The following GRIA4 variants were observed in gnomAD, a reference collection of about 807,000 sequenced individuals.
GRIA4 encodes glutamate receptor 4.
GRIA4 carries 34 observed loss-of-function variants against 104.0 expected under a neutral mutation model. That is an observed-to-expected ratio of 0.33 (90% CI 0.25 to 0.44). The LOEUF (loss-of-function observed/expected upper bound fraction) is 0.44, where lower values mean the gene tolerates loss of function less well. GRIA4 is among the 20% of genes least tolerant of loss of function. The pLI is 1.00. For synonymous variants in GRIA4, 386 were observed against 381.9 expected, an observed-to-expected ratio of 1.01 and a Z score of -0.13; for missense variants, 750 against 1,096.5, an observed-to-expected ratio of 0.68 and a Z score of 4.46.
intron 4 of GRIA4, among the ~76,000 whole-genome samples, chr11:105,786,085 C>T (rs1941949448): frequency 1.5e-5 from 2 of 134,328 alleles, no homozygotes; most frequent in Non-Finnish European, 1.5e-5. Flanking sequence ...GTGGAGGTGG[C>T]AGTGAGCCGA....
At chr11:105,919,278 G>T (rs1189296829) in intron 11 of GRIA4, among the ~76,000 whole-genome samples, 1 of 151,886 alleles carries the variant, frequency 6.6e-6, no homozygotes, top group Non-Finnish European at 1.5e-5. Context: ...GTAGGAACAG[G>T]TTTCCTTCAA....
At chr11:105,729,722 G>A (rs150351362) in intron 3 of GRIA4, among the ~76,000 whole-genome samples, 15 of 152,174 alleles carry the variant, frequency 9.9e-5, no homozygotes, top group Admixed American at 3.3e-4. Flanking sequence ...ATCAATTAAC[G>A]TAAGCCATCA....
chr11:105,796,000 C>G (rs757500082), intron 4 of GRIA4, among the ~76,000 whole-genome samples: 29 of 152,218 alleles, frequency 1.9e-4, no homozygotes, highest in Non-Finnish European at 2.1e-4. Context: ...TCACAAATGC[C>G]TGCAGAGAGA....
Position 105,956,677 on chromosome 11 carries a change from C to T in GRIA4, c.2295-15237C>T, listed in dbSNP as rs550849669. Reference sequence around the variant, plus strand: ...TTCTAGCTCTAGATCCTTGAGGAATCGCCACACTGTCTTCCACAATGGTTG... The same window carrying T: ...TTCTAGCTCTAGATCCTTGAGGAATTGCCACACTGTCTTCCACAATGGTTG... On this transcript the variant is annotated intron_variant, in intron 14 of 16. Transcript: ENST00000282499. Among the ~76,000 whole-genome samples, 135 of 152,276 alleles carry T rather than the reference C, an allele frequency of 8.9e-4. 4 individuals carry two copies. The South Asian group carries it at 0.024, about 27-fold the overall frequency.
At chr11:105,621,858 C>T (rs775579586) in intron 3 of GRIA4, among the ~76,000 whole-genome samples, 20 of 151,748 alleles carry the variant, frequency 1.3e-4, no homozygotes, top group South Asian at 8.3e-4. Flanking sequence ...CCAACAGTGA[C>T]GATTATCAGT....
intron 7 of GRIA4, 116 bp downstream of exon 7, chr11:105,898,543 A>G (rs1291909128): frequency 6.0e-6 from 4 of 665,532 alleles, no homozygotes; most frequent in Non-Finnish European, 1.1e-5. Flanking sequence ...ATGGGAAAAA[A>G]GCATTTTGTC....
intron 7 of GRIA4, among the ~76,000 whole-genome samples, chr11:105,901,339 G>A (rs901883467): frequency 6.6e-5 from 10 of 152,086 alleles, no homozygotes; most frequent in African/African-American, 2.4e-4. Flanking sequence ...TCTTCTCTAA[G>A]TCCATACTTT....
chr11:105,877,815 T>C (rs1265165256), intron 5 of GRIA4, among the ~76,000 whole-genome samples: 1 of 152,194 alleles, frequency 6.6e-6, no homozygotes, highest in African/African-American at 2.4e-5. Context: ...CCTCTAACCT[T>C]TTTTCAAGGT....
chr11:105,679,546 T>C (rs534374581), intron 3 of GRIA4, among the ~76,000 whole-genome samples: 1 of 152,136 alleles, frequency 6.6e-6, no homozygotes, highest in Non-Finnish European at 1.5e-5. Flanking sequence ...CAGAAGAGAA[T>C]GTAAAGTCCC....
At position 105,926,849 on chromosome 11, in the gene GRIA4, C is replaced by A; in HGVS notation, c.1956C>A (p.Val652=). The change falls in exon 13 of 17, where the codon GTC becomes GTA. Residue 652 remains valine (V), a synonymous_variant. Transcript: ENST00000282499. ...CTTTCCTGACGGTTGAGCGAATGGT[C>A]TCTCCCATAGAAAGTGCAGAAGACC... The part of the protein sequence containing the change: ...LAAFLTVERM[V]SPIESAEDLA... 1 of 1,610,896 alleles carries A rather than the reference C, an allele frequency of 6.2e-7. No homozygotes were observed. Among genetic ancestry groups the A allele is most frequent in the Non-Finnish European group, 8.5e-7 (1 of 1,177,416 alleles).
At chr11:105,834,334 A>G (rs1267150051) in intron 4 of GRIA4, among the ~76,000 whole-genome samples, 1 of 152,094 alleles carries the variant, frequency 6.6e-6, no homozygotes, top group Non-Finnish European at 1.5e-5. Flanking sequence ...AAACTCAATG[A>G]AAAGCATTTA....
chr11:105,817,473 A>T (rs1273240685), intron 4 of GRIA4, among the ~76,000 whole-genome samples: 1 of 151,710 alleles, frequency 6.6e-6, no homozygotes, highest in Non-Finnish European at 1.5e-5. Flanking sequence ...TGGCCAGAGT[A>T]AAGTAATAGT....
At chr11:105,646,294 T>G (rs1951525110) in intron 3 of GRIA4, among the ~76,000 whole-genome samples, 1 of 152,144 alleles carries the variant, frequency 6.6e-6, no homozygotes, top group South Asian at 2.1e-4. Context: ...AAAATATAAT[T>G]GTTTACACAG....
At chr11:105,971,142 C>A (rs910551281) in intron 14 of GRIA4, among the ~76,000 whole-genome samples, 14 of 152,086 alleles carry the variant, frequency 9.2e-5, no homozygotes, top group Admixed American at 2.6e-4. Context: ...GTCACTTCAC[C>A]TTGTACTTAA....
chr11:105,750,341 A>C (rs1027079087), intron 3 of GRIA4, among the ~76,000 whole-genome samples: 2 of 152,172 alleles, frequency 1.3e-5, no homozygotes, highest in Non-Finnish European at 2.9e-5. Context: ...AATAGGAAAA[A>C]ATAAATGTTT....
intron 4 of GRIA4, among the ~76,000 whole-genome samples, chr11:105,821,216 C>T (rs186654021): frequency 1.1e-4 from 17 of 152,040 alleles, no homozygotes; most frequent in Admixed American, 3.9e-4. Flanking sequence ...AAAATAATAA[C>T]AACAATATAG....
At chr11:105,865,124 G>C (rs1268957191) in intron 5 of GRIA4, among the ~76,000 whole-genome samples, 1 of 152,082 alleles carries the variant, frequency 6.6e-6, no homozygotes, top group African/African-American at 2.4e-5. Flanking sequence ...TAATATAGTA[G>C]CTAGACATAT....
chr11:105,922,072 A>G (rs1345712246), intron 11 of GRIA4, among the ~76,000 whole-genome samples: 1 of 152,156 alleles, frequency 6.6e-6, no homozygotes, highest in Non-Finnish European at 1.5e-5. Context: ...AGGGAAAAAA[A>G]TTGCAACATA....
Position 105,979,717 on chromosome 11 carries a change from T to TC in GRIA4, c.2688dup (p.Ile897HisfsTer18). 3 of 1,613,920 alleles carry TC rather than the reference T, an allele frequency of 1.9e-6. No homozygotes were observed. Among genetic ancestry groups the TC allele is most frequent in the Non-Finnish European group, 2.5e-6 (3 of 1,179,820 alleles). ...ATCAGACAAAGTTCAGGATTGGCTGTCATTGCATCGGACCTACCATAAAAA... is the reference window on the plus strand; with the variant it reads ...ATCAGACAAAGTTCAGGATTGGCTGTCCATTGCATCGGACCTACCATAAAAA... On this transcript the variant is annotated frameshift_variant, in exon 17 of 17. Transcript: ENST00000282499. LOFTEE classifies it high-confidence loss of function.
Sources: allele counts gnomAD v4.1 joint callset (sites outside exome capture counted in the v4.1 genomes callset), GRCh38; gene constraint gnomAD v4.1.1; transcripts MANE v1.5; gene names NCBI Gene and HGNC (gene_info 2026-07-23, HGNC 2026-07-21).